The following ADGRF5 variants were observed in gnomAD, a reference collection of about 807,000 sequenced individuals.
ADGRF5 encodes G-protein coupled receptor 116.
A neutral mutation model predicts 132.3 loss-of-function variants in ADGRF5; 75 were observed. The observed-to-expected ratio is 0.57, with a 90% CI of 0.47 to 0.69. ADGRF5 has a LOEUF of 0.69. ADGRF5 is among the 30% of genes least tolerant of loss of function. ADGRF5 has a pLI of 0.00. For missense variants in ADGRF5, 1,516 were observed against 1,630.6 expected, an observed-to-expected ratio of 0.93 and a Z score of 1.21; for synonymous variants, 629 against 597.6, an observed-to-expected ratio of 1.05 and a Z score of -0.77.
chr6:46,938,693 C>T lies in ADGRF5; in HGVS notation c.-25+16041G>A, dbSNP rs538143143. On this transcript the variant is annotated intron_variant, in intron 1 of 20. Coordinates refer to the ADGRF5 transcript ENST00000265417. ...TCTGGGTTCCCCCTGTGAGTTCCCC[C>T]GCCTAGAGTCTCAAGGTACAGGCCT... 4.5e-4 allele frequency among the ~76,000 whole-genome samples: 68 copies of T among 152,216 alleles called. 1 individual carries two copies. The highest frequency in any genetic ancestry group is 1.3e-3 in the African/African-American group (55 of 41,542).
intron 1 of ADGRF5, among the ~76,000 whole-genome samples, chr6:46,944,015 G>A (rs1039613454): frequency 2.6e-5 from 4 of 152,154 alleles, no homozygotes; most frequent in Non-Finnish European, 4.4e-5. Context: ...TCTAAACAAA[G>A]CTGGTAGATA....
At chr6:46,911,347 C>G (rs537164340) in intron 1 of ADGRF5, among the ~76,000 whole-genome samples, 1 of 152,150 alleles carries the variant, frequency 6.6e-6, no homozygotes, top group Non-Finnish European at 1.5e-5. Flanking sequence ...AGAGATTTTC[C>G]AATGCTCACG....
intron 10 of ADGRF5, among the ~76,000 whole-genome samples, chr6:46,877,013 G>T (rs912955167): frequency 1.4e-4 from 22 of 152,188 alleles, no homozygotes; most frequent in Middle Eastern, 3.2e-3. Context: ...TTACTTTAAA[G>T]ACTTTTTCTT....
intron 10 of ADGRF5, among the ~76,000 whole-genome samples, chr6:46,876,002 G>A (rs1302527655): frequency 2.0e-5 from 3 of 152,210 alleles, no homozygotes; most frequent in Non-Finnish European, 4.4e-5. Context: ...TTTCCAGAGT[G>A]CTTTGAATAT....
At chr6:46,858,043 C>A in intron 17 of ADGRF5, 86 bp downstream of exon 17, 1 of 992,082 alleles carries the variant, frequency 1.0e-6, no homozygotes, top group Non-Finnish European at 1.5e-6. Flanking sequence ...AAATCCTTCC[C>A]CATTCCTACT....
At chr6:46,862,053 C>T (rs1769811540) in intron 15 of ADGRF5, among the ~76,000 whole-genome samples, 2 of 151,858 alleles carry the variant, frequency 1.3e-5, no homozygotes, top group Admixed American at 1.3e-4. Context: ...ACCTTGACAG[C>T]ACCTATAATC....
chr6:46,912,545 A>T (rs1241062663), intron 1 of ADGRF5, among the ~76,000 whole-genome samples: 1 of 152,126 alleles, frequency 6.6e-6, no homozygotes, highest in African/African-American at 2.4e-5. Flanking sequence ...TTGTCATTGC[A>T]ACAACAGGAT....
At chr6:46,907,069 A>G (rs1271980375) in intron 1 of ADGRF5, among the ~76,000 whole-genome samples, 1 of 152,192 alleles carries the variant, frequency 6.6e-6, no homozygotes, top group African/African-American at 2.4e-5. Flanking sequence ...CACATAATTT[A>G]TGAACAAAAA....
Position 46,853,627 on chromosome 6 carries a change from C to T in ADGRF5, c.*365G>A, listed in dbSNP as rs527297294. 1 of 154,920 alleles carries T rather than the reference C, an allele frequency of 6.5e-6. No homozygotes were observed. Among genetic ancestry groups the T allele is most frequent in the Non-Finnish European group, 1.4e-5 (1 of 69,882 alleles). 9.6% of individuals were successfully genotyped at this position (154,920 alleles called of 1,614,324 possible). Reference sequence around the variant, plus strand: ...ATTCACTGAAGTATTTCCTAGGTAGCCTTTTACTTACTACTTTAATCAAAG... The same window carrying T: ...ATTCACTGAAGTATTTCCTAGGTAGTCTTTTACTTACTACTTTAATCAAAG... On this transcript the variant is annotated 3_prime_UTR_variant, in exon 21 of 21. Coordinates refer to ENST00000283296, the MANE Select transcript of ADGRF5 (RefSeq NM_001098518.2).
chr6:46,950,834 A>C (rs748819231), intron 1 of ADGRF5, among the ~76,000 whole-genome samples: 1 of 152,142 alleles, frequency 6.6e-6, no homozygotes, highest in Non-Finnish European at 1.5e-5. Context: ...TTTTTAAAGG[A>C]ACCTATTTGG....
intron 4 of ADGRF5, chr6:46,887,810 A>G (rs1169164633): frequency 6.6e-6 from 1 of 152,414 alleles, no homozygotes; most frequent in Non-Finnish European, 1.5e-5. Context: ...GACCTTGGAA[A>G]AGAGTTTGCA....
chr6:46,941,113 G>A (rs1284535007), intron 1 of ADGRF5, among the ~76,000 whole-genome samples: 1 of 152,004 alleles, frequency 6.6e-6, no homozygotes. Flanking sequence ...GGTGGGAGGA[G>A]CCCTTAAAGC....
chr6:46,949,216 GCTTTC>G (rs2113844505), intron 1 of ADGRF5, among the ~76,000 whole-genome samples: 1 of 152,286 alleles, frequency 6.6e-6, no homozygotes, highest in South Asian at 2.1e-4. Context: ...AAGGACTGCT[GCTTTC>G]TTCCCCCAGG....
At position 46,911,795 on chromosome 6, in the gene ADGRF5, A is replaced by G. The variant is rs537128254; in HGVS notation, c.-24-5009T>C. ...CTGTTACATGTTAAGAGTTCTACTG[A>G]GTGAAGGGGAAGTAGCAGTAAACAA... On this transcript the variant is annotated intron_variant, in intron 1 of 20. Coordinates refer to ENST00000283296, the MANE Select transcript of ADGRF5 (RefSeq NM_001098518.2). Among the ~76,000 whole-genome samples, 86 of 152,282 alleles carry G rather than the reference A, an allele frequency of 5.6e-4. 1 individual carries two copies. Among genetic ancestry groups the G allele is most frequent in the African/African-American group, 2.0e-3 (84 of 41,570 alleles).
chr6:46,895,404 T>A (rs1050530745), intron 3 of ADGRF5, among the ~76,000 whole-genome samples: 1 of 151,486 alleles, frequency 6.6e-6, no homozygotes, highest in Admixed American at 6.6e-5. Flanking sequence ...GGGCTACATG[T>A]CATCATCAGA....
At chr6:46,875,622 G>A (rs1475317024) in intron 10 of ADGRF5, among the ~76,000 whole-genome samples, 2 of 151,864 alleles carry the variant, frequency 1.3e-5, no homozygotes, top group Non-Finnish European at 2.9e-5. Context: ...ACTAAAAATA[G>A]AAAAATTAGC....
chr6:46,871,923 G>A lies in ADGRF5; in HGVS notation c.1331C>T (p.Thr444Ile), dbSNP rs1219128674. 1.2e-6 allele frequency: 2 copies of A among 1,613,128 alleles called. No homozygotes were observed. The highest frequency in any genetic ancestry group is 1.7e-6 in the Non-Finnish European group (2 of 1,179,382). Residue 444 changes from threonine (T) to isoleucine (I), a missense_variant, in exon 11 of 21, where the codon ACA becomes ATA. Physicochemically the swap from Thr to Ile is moderately conservative, Grantham distance 89. This residue lies in a region of ADGRF5 where 945 missense variants were observed against 929.4 expected (regional missense o/e 1.02). Transcript: ENST00000283296. ...GATGAACTCACAAGTGTAGATGACT[G>A]TTGTTCCAGACGACCCGCTTGGGCA... ...TQCPSGSSGT[T>I]VIYTCEFISA...
intron 1 of ADGRF5, among the ~76,000 whole-genome samples, chr6:46,913,537 T>G (rs919948165): frequency 6.6e-6 from 1 of 151,832 alleles, no homozygotes; most frequent in Non-Finnish European, 1.5e-5. Context: ...GGTGGTCAAC[T>G]ATGTCCAGTG....
Position 46,883,603 on chromosome 6 carries a change from A to C in ADGRF5, c.568T>G (p.Ser190Ala). 6.2e-7 allele frequency: 1 copy of C among 1,609,322 alleles called. No homozygotes were observed. The highest frequency in any genetic ancestry group is 8.5e-7 in the Non-Finnish European group (1 of 1,178,444). ...TTGTAGGACCTATAGAGGGCGGAGGAAGTGTTCATGAGGTCTTCTTGAAAG... is the reference window on the plus strand; with the variant it reads ...TTGTAGGACCTATAGAGGGCGGAGGCAGTGTTCATGAGGTCTTCTTGAAAG... Reference protein sequence around the residue: ...VGFQEDLMNTSSALYRSYKTD... With the variant: ...VGFQEDLMNTASALYRSYKTD... Residue 190 changes from serine to alanine, a missense_variant, in exon 6 of 21, where the codon TCC becomes GCC. This residue lies in a region of ADGRF5 where 945 missense variants were observed against 929.4 expected (regional missense o/e 1.02). Transcript: ENST00000283296.
Sources: gnomAD v4.1 joint callset for allele counts (sites outside exome capture counted in the v4.1 genomes callset) on GRCh38, gnomAD v4.1.1 for gene constraint, gnomAD v4.1.1 regional missense constraint, MANE v1.5 for transcripts, NCBI Gene and HGNC (gene_info 2026-07-23, HGNC 2026-07-21) for gene names.